Variants in IL1RAPL2 observed in about 807,000 individuals in gnomAD.
IL1RAPL2 encodes X-linked interleukin-1 receptor accessory protein-like 2.
A neutral mutation model predicts 44.1 loss-of-function variants in IL1RAPL2; 3 were observed. The ratio of observed to expected loss-of-function variants is 0.07; its 90% CI spans 0.03 to 0.18. IL1RAPL2 has a LOEUF of 0.18. Among genes scored for constraint, IL1RAPL2 ranks in the 10% least tolerant of loss-of-function variants. The pLI is 1.00. For missense variants in IL1RAPL2, 391 were observed against 496.4 expected, an observed-to-expected ratio of 0.79 and a Z score of 2.02; for synonymous variants, 181 against 178.8, an observed-to-expected ratio of 1.01 and a Z score of -0.10.
chrX:105,307,384 C>T (rs1489224875), intron 5 of IL1RAPL2, among the ~76,000 whole-genome samples: 1 of 83,543 alleles, frequency 1.2e-5, no homozygotes, highest in East Asian at 3.7e-4. Flanking sequence ...TGCAATGAGC[C>T]ACAACTGCAC....
At chrX:105,005,363 C>T (rs2147738212) in intron 2 of IL1RAPL2, among the ~76,000 whole-genome samples, 1 of 111,395 alleles carries the variant, frequency 9.0e-6, no homozygotes, top group South Asian at 3.7e-4. Flanking sequence ...TGCCTATAAA[C>T]ATAGATATAT....
At chrX:105,547,863 T>C (rs1328901266) in intron 6 of IL1RAPL2, among the ~76,000 whole-genome samples, 2 of 112,505 alleles carry the variant, frequency 1.8e-5, no homozygotes, top group Non-Finnish European at 3.8e-5. Context: ...AGATTCTATC[T>C]CTTGATGAGA....
At chrX:104,718,647 C>A (rs1489955298) in intron 2 of IL1RAPL2, among the ~76,000 whole-genome samples, 9 of 111,211 alleles carry the variant, frequency 8.1e-5, no homozygotes. Flanking sequence ...GAGGCCTCTC[C>A]AGCCATGTGG....
intron 6 of IL1RAPL2, among the ~76,000 whole-genome samples, chrX:105,524,793 C>A (rs1028651834): frequency 1.8e-5 from 2 of 110,776 alleles, no homozygotes; most frequent in African/African-American, 6.6e-5. Flanking sequence ...AATTCTGTCA[C>A]TTCCTGGCTA....
At chrX:105,572,172 T>A (rs1311675077) in intron 6 of IL1RAPL2, among the ~76,000 whole-genome samples, 6 of 111,540 alleles carry the variant, frequency 5.4e-5, no homozygotes, top group African/African-American at 1.6e-4. Flanking sequence ...CCAATATGTA[T>A]TAAATTCTGA....
chrX:104,939,152 A>G (rs1925099700), intron 2 of IL1RAPL2, among the ~76,000 whole-genome samples: 1 of 103,923 alleles, frequency 9.6e-6, no homozygotes, highest in Admixed American at 1.1e-4. Flanking sequence ...TGCCTCCTGG[A>G]TTCAAGCAAT....
intron 2 of IL1RAPL2, among the ~76,000 whole-genome samples, chrX:105,112,417 TTGAC>T (rs764376643): frequency 8.9e-6 from 1 of 112,427 alleles, no homozygotes; most frequent in Non-Finnish European, 1.9e-5. Flanking sequence ...TAACTCAATT[TTGAC>T]TGACCTTTCA....
At chrX:104,875,146 T>G (rs1922869083) in intron 2 of IL1RAPL2, among the ~76,000 whole-genome samples, 1 of 111,935 alleles carries the variant, frequency 8.9e-6, no homozygotes, top group Non-Finnish European at 1.9e-5. Context: ...AGCACCAACC[T>G]GAAGTACATT....
At chrX:105,079,202 T>C (rs2032364256) in intron 2 of IL1RAPL2, among the ~76,000 whole-genome samples, 1 of 111,995 alleles carries the variant, frequency 8.9e-6, no homozygotes, top group Non-Finnish European at 1.9e-5. Flanking sequence ...GAAATAGGAA[T>C]GCTTTTATAC....
intron 3 of IL1RAPL2, chrX:105,218,899 T>C (rs1603015213): frequency 1.6e-6 from 1 of 635,658 alleles, no homozygotes. Context: ...ACCACAAGCC[T>C]GCCCTCTGAA....
chrX:104,615,716 G>T (rs1929261026), intron 1 of IL1RAPL2, among the ~76,000 whole-genome samples: 1 of 112,184 alleles, frequency 8.9e-6, no homozygotes, highest in African/African-American at 3.2e-5. Flanking sequence ...GTAATAGAAT[G>T]ATTTATATTC....
chrX:104,790,668 A>T (rs1000407329), intron 2 of IL1RAPL2, among the ~76,000 whole-genome samples: 4 of 111,835 alleles, frequency 3.6e-5, no homozygotes, highest in Non-Finnish European at 7.5e-5. Flanking sequence ...CAAGCAGTAC[A>T]GAAAAGTATA....
At chrX:105,029,243 ATTTATT>A (rs1186450216) in intron 2 of IL1RAPL2, among the ~76,000 whole-genome samples, 1 of 97,525 alleles carries the variant, frequency 1.0e-5, no homozygotes, top group Non-Finnish European at 2.1e-5. Flanking sequence ...TTTTTTATTT[ATTTATT>A]TTTATTTTAT....
intron 6 of IL1RAPL2, among the ~76,000 whole-genome samples, chrX:105,524,005 C>A (rs1044258567): frequency 1.8e-5 from 2 of 111,362 alleles, no homozygotes; most frequent in African/African-American, 6.5e-5. Context: ...TTGAATCTTA[C>A]CTAATCAGAT....
rs1459945553 is a variant in IL1RAPL2, at chrX:105,123,400, T to C, written c.83-72075T>C. ...GATGGCATCATAGTTAAAGATTCAG[T>C]TCTTATTTGAACCAGTTAGCTTAAA... On this transcript the variant is annotated intron_variant, in intron 2 of 10. Transcript: ENST00000372582. Among the ~76,000 whole-genome samples the C allele has an allele frequency of 2.7e-5, 3 of 111,345 alleles. No homozygotes were observed. In the East Asian group the frequency reaches 8.5e-4, roughly 31 times the overall value.
At chrX:104,677,556 C>G (rs913455384) in intron 2 of IL1RAPL2, among the ~76,000 whole-genome samples, 1 of 112,255 alleles carries the variant, frequency 8.9e-6, no homozygotes, top group Admixed American at 9.3e-5. Flanking sequence ...TTTTGTTTGT[C>G]TGTGCCCTGC....
At chrX:104,695,132 G>A (rs898449337) in intron 2 of IL1RAPL2, among the ~76,000 whole-genome samples, 3 of 112,415 alleles carry the variant, frequency 2.7e-5, no homozygotes, top group African/African-American at 9.7e-5. Flanking sequence ...AAAATTTTCA[G>A]TGAGATGATT....
At chrX:104,593,982 T>A (rs776213580) in intron 1 of IL1RAPL2, among the ~76,000 whole-genome samples, 1 of 112,557 alleles carries the variant, frequency 8.9e-6, no homozygotes, top group South Asian at 3.7e-4. Flanking sequence ...TGTAACATAT[T>A]TATTTCTTAT....
intron 3 of IL1RAPL2, among the ~76,000 whole-genome samples, chrX:105,200,860 G>A (rs1182610969): frequency 9.0e-6 from 1 of 111,217 alleles, no homozygotes; most frequent in Admixed American, 9.6e-5. Context: ...GCAGTAAGCC[G>A]AGATTGTGCT....
Sources: allele counts gnomAD v4.1 joint callset (sites outside exome capture counted in the v4.1 genomes callset), GRCh38; gene constraint gnomAD v4.1.1; transcripts MANE v1.5; gene names NCBI Gene and HGNC (gene_info 2026-07-23, HGNC 2026-07-21).